GMDS: variants seen among roughly 807,000 people sequenced by gnomAD.
The protein encoded by GMDS is GDP-mannose 4,6 dehydratase.
GMDS carries 20 observed loss-of-function variants against 49.9 expected under a neutral mutation model. That is an observed-to-expected ratio of 0.40 (90% CI 0.28 to 0.58). The LOEUF is 0.58. Ranked by LOEUF, GMDS falls within the 20% of genes least tolerant of loss-of-function variation. The probability of loss-of-function intolerance (pLI) is 0.42; values close to 1 mark genes in which losing one functional copy is unlikely to be tolerated. For missense variants in GMDS, 362 were observed against 481.4 expected (o/e 0.75, Z 2.32); for synonymous variants, 177 against 178.6 (o/e 0.99, Z 0.07).
intron 7 of GMDS, among the ~76,000 whole-genome samples, chr6:1,791,469 C>T (rs182465884): frequency 2.0e-5 from 3 of 152,258 alleles, no homozygotes; most frequent in East Asian, 3.9e-4. Context: ...TATAAGGACA[C>T]TAATCCCATT....
chr6:2,106,679 A>G (rs1277899070), intron 4 of GMDS, among the ~76,000 whole-genome samples: 1 of 152,128 alleles, frequency 6.6e-6, no homozygotes, highest in Non-Finnish European at 1.5e-5. Context: ...CCTGGCCAAC[A>G]TGGTGAAACC....
chr6:2,095,503 G>A (rs1229464392), intron 4 of GMDS, among the ~76,000 whole-genome samples: 1 of 152,084 alleles, frequency 6.6e-6, no homozygotes, highest in Admixed American at 6.6e-5. Flanking sequence ...TTATCAATAA[G>A]TATAAAATAT....
chr6:1,806,393 G>C (rs964322350), intron 7 of GMDS, among the ~76,000 whole-genome samples: 1 of 151,878 alleles, frequency 6.6e-6, no homozygotes, highest in Non-Finnish European at 1.5e-5. Context: ...CTGAATTTCA[G>C]GATGGGTGCT....
At chr6:2,008,872 T>G (rs1249622641) in intron 4 of GMDS, among the ~76,000 whole-genome samples, 3 of 152,188 alleles carry the variant, frequency 2.0e-5, no homozygotes, top group Non-Finnish European at 4.4e-5. Flanking sequence ...CCTCATTTTT[T>G]GGTTTTGTGT....
chr6:2,103,352 A>G (rs886729139), intron 4 of GMDS, among the ~76,000 whole-genome samples: 4 of 152,222 alleles, frequency 2.6e-5, no homozygotes, highest in African/African-American at 9.7e-5. Flanking sequence ...TAATTATGTC[A>G]GAAATAACGT....
chr6:1,928,269 G>A (rs1762120827), intron 7 of GMDS, among the ~76,000 whole-genome samples: 2 of 152,030 alleles, frequency 1.3e-5, no homozygotes, highest in African/African-American at 4.8e-5. Context: ...TGAGTCTGAG[G>A]CAGGAGAATC....
At chr6:2,176,283 TTAATA>T (rs942317600) in intron 1 of GMDS, among the ~76,000 whole-genome samples, 14 of 152,182 alleles carry the variant, frequency 9.2e-5, no homozygotes, top group Non-Finnish European at 1.6e-4. Context: ...TTTTTTTTTC[TTAATA>T]TTTTATCTCA....
At chr6:1,738,414 T>G (rs1767132912) in intron 8 of GMDS, among the ~76,000 whole-genome samples, 1 of 152,246 alleles carries the variant, frequency 6.6e-6, no homozygotes, top group African/African-American at 2.4e-5. Context: ...TTATTCAAAT[T>G]ACTCAAGTGA....
chr6:2,235,621 C>T (rs573259554), intron 1 of GMDS, among the ~76,000 whole-genome samples: 1 of 150,222 alleles, frequency 6.7e-6, no homozygotes, highest in South Asian at 2.1e-4. Context: ...GCCTGAGCAG[C>T]ACGGCAAGAC....
At chr6:2,079,388 G>GT (rs1383104610) in intron 4 of GMDS, among the ~76,000 whole-genome samples, 3 of 151,698 alleles carry the variant, frequency 2.0e-5, no homozygotes, top group African/African-American at 7.3e-5. Context: ...TGGTTTGGTG[G>GT]TTTTCCGTAC....
intron 7 of GMDS, among the ~76,000 whole-genome samples, chr6:1,764,784 C>T (rs1368909886): frequency 6.6e-6 from 1 of 152,174 alleles, no homozygotes; most frequent in Non-Finnish European, 1.5e-5. Context: ...CATTTCCGTT[C>T]TAAAGAATTT....
intron 8 of GMDS, among the ~76,000 whole-genome samples, chr6:1,733,885 G>C (rs528981929): frequency 6.6e-6 from 1 of 152,248 alleles, no homozygotes; most frequent in South Asian, 2.1e-4. Flanking sequence ...GGCTGAGTGG[G>C]GAGGCTGAGC....
At chr6:1,681,524 C>A (rs940515807) in intron 9 of GMDS, among the ~76,000 whole-genome samples, 1 of 152,124 alleles carries the variant, frequency 6.6e-6, no homozygotes, top group African/African-American at 2.4e-5. Flanking sequence ...GAGGACCAGG[C>A]GGTAGACCCA....
intron 4 of GMDS, among the ~76,000 whole-genome samples, chr6:2,038,282 T>A (rs1769424626): frequency 1.3e-5 from 2 of 152,218 alleles, no homozygotes; most frequent in Admixed American, 1.3e-4. Flanking sequence ...GACAGCTAGC[T>A]AGAGCTAAGT....
chr6:2,203,008 A>C (rs1779619958), intron 1 of GMDS, among the ~76,000 whole-genome samples: 1 of 152,116 alleles, frequency 6.6e-6, no homozygotes. Flanking sequence ...TTTCATTTGC[A>C]AGGTTTCTAA....
intron 1 of GMDS, among the ~76,000 whole-genome samples, chr6:2,231,197 G>A (rs1781090995): frequency 6.6e-6 from 1 of 152,012 alleles, no homozygotes; most frequent in South Asian, 2.1e-4. Flanking sequence ...TGCAGAAACA[G>A]AGCTGTAAGG....
intron 4 of GMDS, among the ~76,000 whole-genome samples, chr6:2,054,481 T>C (rs1410273509): frequency 1.3e-5 from 2 of 152,072 alleles, no homozygotes; most frequent in Non-Finnish European, 2.9e-5. Flanking sequence ...AAATCTCCAA[T>C]AGAAAACCCA....
chr6:1,813,582 A>G (rs1320429195), intron 7 of GMDS, among the ~76,000 whole-genome samples: 1 of 152,212 alleles, frequency 6.6e-6, no homozygotes, highest in Non-Finnish European at 1.5e-5. Context: ...AGTTCTAGAT[A>G]GCTAATAATG....
chr6:1,871,587 T>C (rs1212088756), intron 7 of GMDS, among the ~76,000 whole-genome samples: 4 of 152,150 alleles, frequency 2.6e-5, no homozygotes, highest in South Asian at 2.1e-4. Flanking sequence ...TTTCATGAAA[T>C]AATAAAAGGG....
Sources: gnomAD v4.1 joint callset for allele counts (sites outside exome capture counted in the v4.1 genomes callset) on GRCh38, gnomAD v4.1.1 for gene constraint, MANE v1.5 for transcripts, NCBI Gene and HGNC (gene_info 2026-07-23, HGNC 2026-07-21) for gene names.